The following DZANK1 variants were observed in gnomAD, a reference collection of about 807,000 sequenced individuals.
The protein encoded by DZANK1 is double zinc ribbon and ankyrin repeat-containing protein 1.
DZANK1 carries 91 observed loss-of-function variants against 94.5 expected under a neutral mutation model. The observed-to-expected ratio is 0.96, with a 90% CI of 0.81 to 1.15. DZANK1 has a LOEUF of 1.15. DZANK1 is among the 50% of genes most tolerant of loss of function. The pLI, the probability that DZANK1 is intolerant of heterozygous loss-of-function variation, is 0.00. For synonymous variants in DZANK1, 312 were observed against 325.3 expected (o/e 0.96, Z 0.44); for missense variants, 903 against 916.4 (o/e 0.99, Z 0.19).
intron 13 of DZANK1, among the ~76,000 whole-genome samples, chr20:18,407,188 A>C (rs1461375230): frequency 6.6e-6 from 1 of 152,126 alleles, no homozygotes; most frequent in Non-Finnish European, 1.5e-5. Flanking sequence ...GTATGACCCA[A>C]CTCAGTCCCA....
intron 10 of DZANK1, 79 bp downstream of exon 10, chr20:18,426,988 G>T: frequency 2.8e-6 from 3 of 1,078,532 alleles, no homozygotes; most frequent in Non-Finnish European, 3.9e-6. Flanking sequence ...AACCCCCTCG[G>T]CAGATTCTGT....
intron 3 of DZANK1, among the ~76,000 whole-genome samples, chr20:18,459,237 T>C (rs1174355358): frequency 6.6e-6 from 1 of 152,238 alleles, no homozygotes; most frequent in African/African-American, 2.4e-5. Context: ...TTATAAAGAA[T>C]AATAACGTGC....
At chr20:18,433,371 A>G in intron 9 of DZANK1, 1 of 342,580 alleles carries the variant, frequency 2.9e-6, no homozygotes. Context: ...ATGAAACCCC[A>G]TGTCTACTAA....
intron 19 of DZANK1, among the ~76,000 whole-genome samples, chr20:18,385,765 G>A (rs1196014906): frequency 6.6e-6 from 1 of 152,080 alleles, no homozygotes; most frequent in Non-Finnish European, 1.5e-5. Context: ...ATTTTTGTGT[G>A]GGGAAAATGA....
At chr20:18,437,558 G>A (rs921282943) in intron 8 of DZANK1, among the ~76,000 whole-genome samples, 2 of 151,882 alleles carry the variant, frequency 1.3e-5, no homozygotes, top group African/African-American at 4.8e-5. Flanking sequence ...ACTCCAGCCT[G>A]GATGACAGAG....
At chr20:18,386,780 A>C (rs1172956743) in intron 19 of DZANK1, among the ~76,000 whole-genome samples, 1 of 152,176 alleles carries the variant, frequency 6.6e-6, no homozygotes, top group African/African-American at 2.4e-5. Flanking sequence ...AAAGAAAGAT[A>C]AGACTTTTTA....
At chr20:18,410,130 G>C (rs1474858504) in intron 13 of DZANK1, among the ~76,000 whole-genome samples, 1 of 151,828 alleles carries the variant, frequency 6.6e-6, no homozygotes, top group Non-Finnish European at 1.5e-5. Flanking sequence ...ACTATAAATG[G>C]GGGAAAAGAA....
intron 13 of DZANK1, among the ~76,000 whole-genome samples, chr20:18,405,569 C>T (rs750353092): frequency 4.0e-4 from 61 of 152,198 alleles, no homozygotes; most frequent in Non-Finnish European, 8.4e-4. Flanking sequence ...CAAACCCTTC[C>T]CAAATTTTAT....
In DZANK1 at chr20:18,448,005, A is replaced by C. The variant is rs183141547; in HGVS notation, c.629+979T>G. On this transcript the variant is annotated intron_variant, in intron 7 of 20. Transcript: ENST00000262547. Reference sequence around the variant, plus strand: ...TAAAAATTATTTTATTGTATCTGTTAATTTTTATCAATTTATTTATTTATT... The same window carrying C: ...TAAAAATTATTTTATTGTATCTGTTCATTTTTATCAATTTATTTATTTATT... Among the ~76,000 whole-genome samples the C allele has an allele frequency of 2.4e-3, 367 of 152,288 alleles. 6 individuals carry two copies. The highest frequency in any genetic ancestry group is 0.02 in the Admixed American group (309 of 15,294).
intron 10 of DZANK1, among the ~76,000 whole-genome samples, chr20:18,416,362 G>C (rs535374759): frequency 6.6e-5 from 10 of 152,178 alleles, no homozygotes; most frequent in Admixed American, 2.0e-4. Context: ...GCTTCCTTCC[G>C]GTCCCACCTT....
Position 18,414,773 on chromosome 20 carries a change from A to C in DZANK1, c.1078-261T>G, listed in dbSNP as rs56107441. 7.3e-3 allele frequency among the ~76,000 whole-genome samples: 1,115 copies of C among 152,354 alleles called. 15 individuals carry two copies. The highest frequency in any genetic ancestry group is 0.026 in the African/African-American group (1,079 of 41,576). On this transcript the variant is annotated intron_variant, in intron 11 of 20. Coordinates refer to ENST00000262547, the Ensembl canonical transcript of DZANK1. ...GGTCTAAATATAACACAGTACATAC[A>C]TACAAACAATGGATTATGAAGTCAC...
chr20:18,466,455 T>G (rs1050215258), intron 1 of DZANK1, among the ~76,000 whole-genome samples: 5 of 152,202 alleles, frequency 3.3e-5, no homozygotes, highest in Non-Finnish European at 7.3e-5. Context: ...AATGCCTTGT[T>G]GGATAGTTCC....
At chr20:18,409,245 A>G (rs2057112852) in intron 13 of DZANK1, among the ~76,000 whole-genome samples, 2 of 152,200 alleles carry the variant, frequency 1.3e-5, no homozygotes, top group Admixed American at 1.3e-4. Context: ...ACAGCGAGAC[A>G]CATTATCAAA....
chr20:18,412,163 C>T (rs1178840161), intron 13 of DZANK1, among the ~76,000 whole-genome samples: 1 of 152,080 alleles, frequency 6.6e-6, no homozygotes, highest in Non-Finnish European at 1.5e-5. Flanking sequence ...ATTGTAGAGA[C>T]AGGGTCTCAC....
intron 16 of DZANK1, 70 bp from the exon 17 acceptor site, chr20:18,393,881 A>T (rs1305106304): frequency 9.6e-7 from 1 of 1,036,874 alleles, no homozygotes; most frequent in East Asian, 2.4e-5. Flanking sequence ...GTTATTTCTT[A>T]CTTCCACGTC....
At chr20:18,393,616 G>A in intron 17 of DZANK1, 95 bp downstream of exon 17, 1 of 793,832 alleles carries the variant, frequency 1.3e-6, no homozygotes, top group Non-Finnish European at 2.0e-6. Flanking sequence ...AACAGAAAAT[G>A]AGAAATTATT....
chr20:18,423,379 C>T (rs1304756976), intron 10 of DZANK1, among the ~76,000 whole-genome samples: 1 of 152,172 alleles, frequency 6.6e-6, no homozygotes, highest in African/African-American at 2.4e-5. Context: ...AAGTCTTTCA[C>T]TTCCTATAGT....
intron 2 of DZANK1, among the ~76,000 whole-genome samples, chr20:18,462,832 G>A (rs1037735745): frequency 9.9e-5 from 15 of 151,096 alleles, no homozygotes; most frequent in East Asian, 3.9e-4. Context: ...CAGCTACTCC[G>A]AAGACTGAGG....
chr20:18,465,499 T>G, intron 1 of DZANK1, 122 bp from the exon 2 acceptor site: 2 of 364,048 alleles, frequency 5.5e-6, no homozygotes, highest in Non-Finnish European at 4.9e-6. Flanking sequence ...ACAAATATTA[T>G]TCCCTTTTTA....
Sources: allele counts gnomAD v4.1 joint callset (sites outside exome capture counted in the v4.1 genomes callset), GRCh38; gene constraint gnomAD v4.1.1; transcripts MANE v1.5; gene names NCBI Gene and HGNC (gene_info 2026-07-23, HGNC 2026-07-21).